The following COLQ variants were observed in gnomAD, a reference collection of about 807,000 sequenced individuals.
COLQ encodes acetylcholinesterase collagenic tail peptide.
In COLQ, 48 loss-of-function variants were observed where a neutral mutation model predicts 69.0. The ratio of observed to expected loss-of-function variants is 0.70; its 90% CI spans 0.55 to 0.88. The LOEUF is 0.88. COLQ is among the 40% of genes least tolerant of loss of function. The pLI is 0.00. For missense variants in COLQ, 618 were observed against 594.6 expected, an observed-to-expected ratio of 1.04 and a Z score of -0.41; for synonymous variants, 217 against 211.2, an observed-to-expected ratio of 1.03 and a Z score of -0.24.
At chr3:15,485,007 G>A (rs2062551427) in intron 3 of COLQ, among the ~76,000 whole-genome samples, 1 of 152,178 alleles carries the variant, frequency 6.6e-6, no homozygotes, top group African/African-American at 2.4e-5. Flanking sequence ...TTTCTGCTCT[G>A]GTTTCTCTCC....
At chr3:15,472,673 G>A (rs1489774927) in intron 10 of COLQ, among the ~76,000 whole-genome samples, 15 of 152,056 alleles carry the variant, frequency 9.9e-5, no homozygotes, top group Admixed American at 9.8e-4. Context: ...TTTATTCTCT[G>A]ACATTCCCCC....
intron 12 of COLQ, among the ~76,000 whole-genome samples, chr3:15,461,883 C>G (rs1283625702): frequency 6.6e-6 from 1 of 151,764 alleles, no homozygotes; most frequent in Non-Finnish European, 1.5e-5. Flanking sequence ...TTTTTTCCCC[C>G]CCGAGAATGG....
intron 3 of COLQ, among the ~76,000 whole-genome samples, chr3:15,485,391 C>T (rs775858926): frequency 4.6e-5 from 7 of 152,190 alleles, no homozygotes; most frequent in Non-Finnish European, 8.8e-5. Context: ...AGATCTCAAA[C>T]TCTGTGCTGG....
At chr3:15,507,842 A>AT (rs34463065) in intron 1 of COLQ, among the ~76,000 whole-genome samples, 1 of 151,454 alleles carries the variant, frequency 6.6e-6, no homozygotes, top group African/African-American at 2.4e-5. Context: ...TACTTTTTCC[A>AT]TTTTTTTCAT....
chr3:15,458,821 A>G (rs1019200830), intron 12 of COLQ, among the ~76,000 whole-genome samples: 2 of 152,044 alleles, frequency 1.3e-5, no homozygotes, highest in African/African-American at 2.4e-5. Flanking sequence ...TGTTTTAAAA[A>G]ACTTTTGTTT....
At chr3:15,499,517 T>G (rs780737041) in intron 1 of COLQ, among the ~76,000 whole-genome samples, 16 of 152,348 alleles carry the variant, frequency 1.1e-4, no homozygotes, top group Non-Finnish European at 2.2e-4. Flanking sequence ...AGACAATACA[T>G]GAAGGAATGA....
intron 3 of COLQ, among the ~76,000 whole-genome samples, chr3:15,486,620 G>A (rs1236856477): frequency 6.6e-6 from 1 of 152,188 alleles, no homozygotes; most frequent in African/African-American, 2.4e-5. Flanking sequence ...TGCTGAAGGT[G>A]GGAAGATAGA....
intron 1 of COLQ, among the ~76,000 whole-genome samples, chr3:15,499,829 C>A (rs1002344271): frequency 5.3e-5 from 8 of 152,140 alleles, no homozygotes; most frequent in Admixed American, 5.2e-4. Flanking sequence ...GCTGTGTGAC[C>A]TTGAGGAAGT....
intron 1 of COLQ, among the ~76,000 whole-genome samples, chr3:15,490,928 T>C (rs943385226): frequency 6.6e-6 from 1 of 152,110 alleles, no homozygotes; most frequent in African/African-American, 2.4e-5. Flanking sequence ...TTGCAAGTGA[T>C]CTTTAAAGTT....
At chr3:15,493,385 T>G (rs1040964857) in intron 1 of COLQ, among the ~76,000 whole-genome samples, 1 of 152,268 alleles carries the variant, frequency 6.6e-6, no homozygotes, top group African/African-American at 2.4e-5. Flanking sequence ...CTGGAGCCAA[T>G]GAGTCAATGG....
rs1254935117 is a variant in COLQ, at chr3:15,498,674, C to T, written c.107-9037G>A. 3 of 1,549,816 alleles carry T rather than the reference C, an allele frequency of 1.9e-6. No individual in the cohort carries two copies. In the African/African-American group the frequency reaches 4.1e-5, roughly 21 times the overall value. ...GTCACGCCTCTGAGTGCTCCCAGTG[C>T]CTGGCCTGTTTGGCATTAGGGGTGG... On this transcript the variant is annotated intron_variant, in intron 1 of 16. Coordinates refer to ENST00000383788, the MANE Select transcript of COLQ (RefSeq NM_005677.4).
chr3:15,472,326 A>G (rs2062301916), intron 10 of COLQ, among the ~76,000 whole-genome samples: 1 of 152,146 alleles, frequency 6.6e-6, no homozygotes, highest in Non-Finnish European at 1.5e-5. Context: ...TATTCTTTTA[A>G]CCCAACACCC....
In COLQ at chr3:15,475,502, A is replaced by C. The variant is rs1269119603; in HGVS notation, c.466-15T>G. 1 of 1,582,896 alleles carries C rather than the reference A, an allele frequency of 6.3e-7. No homozygotes were observed. Among genetic ancestry groups the C allele is most frequent in the East Asian group, 2.3e-5 (1 of 44,008 alleles). Reference sequence around the variant, plus strand: ...CCTTTTTCACCCTGTGGGAATTAGAAGAAGAAAAGACCCACGGTGATATTT... The same window carrying C: ...CCTTTTTCACCCTGTGGGAATTAGACGAAGAAAAGACCCACGGTGATATTT... On this transcript the variant is annotated splice_polypyrimidine_tract_variant and intron_variant, in intron 6 of 16. Transcript: ENST00000383788.
At chr3:15,491,563 G>A (rs752902067) in intron 1 of COLQ, among the ~76,000 whole-genome samples, 12 of 152,196 alleles carry the variant, frequency 7.9e-5, no homozygotes, top group Admixed American at 1.3e-4. Flanking sequence ...ACACTCGCTC[G>A]CACCCTTGAT....
intron 1 of COLQ, among the ~76,000 whole-genome samples, chr3:15,499,473 A>G (rs532260704): frequency 1.3e-5 from 2 of 152,312 alleles, no homozygotes; most frequent in East Asian, 1.9e-4. Context: ...CTCCGTTACA[A>G]CCTCACTTTG....
chr3:15,492,542 C>T (rs2062685381), intron 1 of COLQ, among the ~76,000 whole-genome samples: 1 of 152,116 alleles, frequency 6.6e-6, no homozygotes, highest in African/African-American at 2.4e-5. Flanking sequence ...TGGTGGGCGC[C>T]TGTAGTCCCA....
chr3:15,453,820 C>G lies in COLQ; in HGVS notation c.1298+9G>C. 1.3e-6 allele frequency: 2 copies of G among 1,575,026 alleles called. No homozygotes were observed. Among genetic ancestry groups the G allele is most frequent in the Non-Finnish European group, 8.7e-7 (1 of 1,148,628 alleles). Reference sequence around the variant, plus strand: ...AAGGGGGAGAGGGAGGGAGGGGAGTCATCCCTACCCAGGGAGATAGGTCTC... The same window carrying G: ...AAGGGGGAGAGGGAGGGAGGGGAGTGATCCCTACCCAGGGAGATAGGTCTC... On this transcript the variant is annotated intron_variant, in intron 16 of 16. Coordinates refer to ENST00000383788, the MANE Select transcript of COLQ (RefSeq NM_005677.4).
intron 1 of COLQ, among the ~76,000 whole-genome samples, chr3:15,492,382 T>A (rs552226761): frequency 6.6e-6 from 1 of 152,110 alleles, no homozygotes; most frequent in South Asian, 2.1e-4. Flanking sequence ...AAATGCTGCA[T>A]AAGGCCGGGC....
intron 1 of COLQ, among the ~76,000 whole-genome samples, chr3:15,512,196 T>A (rs753315947): frequency 2.0e-5 from 3 of 152,316 alleles, no homozygotes; most frequent in Non-Finnish European, 2.9e-5. Context: ...AAGTGTGGGA[T>A]GCCTGGGAGG....
Sources: gnomAD v4.1 joint callset for allele counts (sites outside exome capture counted in the v4.1 genomes callset) on GRCh38, gnomAD v4.1.1 for gene constraint, MANE v1.5 for transcripts, NCBI Gene and HGNC (gene_info 2026-07-23, HGNC 2026-07-21) for gene names.